The following HNRNPA1L2 variants were observed in gnomAD, a reference collection of about 807,000 sequenced individuals.
HNRNPA1L2 encodes the protein heterogeneous nuclear ribonucleoprotein A1-like 2.
HNRNPA1L2 carries 10 observed loss-of-function variants against 18.2 expected under a neutral mutation model. That is an observed-to-expected ratio of 0.55 (90% CI 0.34 to 0.93). The LOEUF (loss-of-function observed/expected upper bound fraction) is 0.93. HNRNPA1L2 is among the 40% of genes least tolerant of loss of function. The probability of loss-of-function intolerance (pLI) is 0.02; values close to 1 mark genes in which losing one functional copy is unlikely to be tolerated. For missense variants in HNRNPA1L2, 308 were observed against 394.4 expected (o/e 0.78, Z 1.85); for synonymous variants, 124 against 138.6 (o/e 0.89, Z 0.74).
At chr13:52,636,880 G>A in the HNRNPA1L2 span, among the ~76,000 whole-genome samples, 6 of 152,116 alleles carry the variant, frequency 3.9e-5, no homozygotes, top group Non-Finnish European at 5.9e-5. Context: ...CACCCAGGTC[G>A]GAATGCAGTG....
At chr13:52,626,600 A>G in the HNRNPA1L2 span, among the ~76,000 whole-genome samples, 2 of 152,146 alleles carry the variant, frequency 1.3e-5, no homozygotes, top group Non-Finnish European at 2.9e-5. Flanking sequence ...ACCCCTTTAT[A>G]CTGTCACCCA....
chr13:52,630,899 A>AATCATTCAGCTTGCATAT, the HNRNPA1L2 span, among the ~76,000 whole-genome samples: 3 of 152,230 alleles, frequency 2.0e-5, no homozygotes, highest in South Asian at 6.2e-4. Flanking sequence ...AATTTAACTG[A>AATCATTCAGCTTGCATAT]ATCATTCAGC....
the HNRNPA1L2 span, among the ~76,000 whole-genome samples, chr13:52,636,447 A>G: frequency 6.6e-6 from 1 of 152,244 alleles, no homozygotes; most frequent in Non-Finnish European, 1.5e-5. Context: ...TTTCAAAAGT[A>G]AAAAAGTTAT....
At chr13:52,634,886 G>A in the HNRNPA1L2 span, among the ~76,000 whole-genome samples, 5 of 152,130 alleles carry the variant, frequency 3.3e-5, no homozygotes, top group African/African-American at 4.8e-5. Flanking sequence ...ATCAAATGAG[G>A]TCATCTGAAA....
Position 52,642,451 on chromosome 13 carries a change from C to T in HNRNPA1L2, c.-42C>T, listed in dbSNP as rs374940527. 1.1e-5 allele frequency: 17 copies of T among 1,606,918 alleles called. No individual in the cohort carries two copies. The highest frequency in any genetic ancestry group is 2.7e-5 in the African/African-American group (2 of 74,566). ...GTGGACTTTTTCTGCCCGTGGACGC[C>T]GCTGAAGAAGCATCGTTAAAGTCTC... On this transcript the variant is annotated 5_prime_UTR_variant, in exon 1 of 1. Coordinates refer to ENST00000357495, the MANE Select transcript of HNRNPA1L2 (RefSeq NM_001389320.1).
At chr13:52,623,040 CA>C in the HNRNPA1L2 span, among the ~76,000 whole-genome samples, 1 of 152,050 alleles carries the variant, frequency 6.6e-6, no homozygotes, top group Non-Finnish European at 1.5e-5. Context: ...TACATGGTAT[CA>C]AAAATACCTC....
the HNRNPA1L2 span, among the ~76,000 whole-genome samples, chr13:52,635,482 C>T: frequency 6.6e-6 from 1 of 151,948 alleles, no homozygotes; most frequent in Non-Finnish European, 1.5e-5. Flanking sequence ...AGGAACTGCA[C>T]ACATTTAGAA....
chr13:52,638,428 T>C (rs1038727766), upstream of HNRNPA1L2, among the ~76,000 whole-genome samples: 7 of 152,192 alleles, frequency 4.6e-5, no homozygotes, highest in Non-Finnish European at 1.0e-4. Context: ...CCTCCACAGT[T>C]GAGACCATGT....
chr13:52,625,615 C>T, the HNRNPA1L2 span, among the ~76,000 whole-genome samples: 3 of 152,018 alleles, frequency 2.0e-5, no homozygotes, highest in Admixed American at 1.3e-4. Context: ...GAATATTCAC[C>T]TATGTTCTGT....
the HNRNPA1L2 span, among the ~76,000 whole-genome samples, chr13:52,634,553 A>G: frequency 6.6e-6 from 1 of 152,210 alleles, no homozygotes; most frequent in Non-Finnish European, 1.5e-5. Flanking sequence ...AACATATGGA[A>G]ACTTAAATTT....
chr13:52,641,426 C>G (rs1267781061), upstream of HNRNPA1L2: 1 of 152,292 alleles, frequency 6.6e-6, no homozygotes, highest in East Asian at 1.9e-4. Context: ...CTCACTTTTC[C>G]TCTAAACTCT....
At chr13:52,634,064 C>T in the HNRNPA1L2 span, among the ~76,000 whole-genome samples, 1 of 152,110 alleles carries the variant, frequency 6.6e-6, no homozygotes, top group African/African-American at 2.4e-5. Context: ...AAATATACAT[C>T]TATAAAGGAA....
chr13:52,630,312 T>G, the HNRNPA1L2 span, among the ~76,000 whole-genome samples: 1 of 152,206 alleles, frequency 6.6e-6, no homozygotes, highest in Non-Finnish European at 1.5e-5. Context: ...AGTCTCACTC[T>G]GTCGCCCAGG....
At chr13:52,630,492 A>G in the HNRNPA1L2 span, among the ~76,000 whole-genome samples, 2 of 151,964 alleles carry the variant, frequency 1.3e-5, no homozygotes, top group Non-Finnish European at 2.9e-5. Context: ...CCAGGCTGGT[A>G]ACTCCTGACC....
chr13:52,625,367 G>A, the HNRNPA1L2 span, among the ~76,000 whole-genome samples: 6 of 152,050 alleles, frequency 3.9e-5, no homozygotes, highest in South Asian at 2.1e-4. Flanking sequence ...CACCTGCCTC[G>A]GCCTCCTAAA....
chr13:52,639,586 G>A (rs1961576762), upstream of HNRNPA1L2, among the ~76,000 whole-genome samples: 1 of 151,322 alleles, frequency 6.6e-6, no homozygotes, highest in South Asian at 2.1e-4. Flanking sequence ...GAAGTGCTCT[G>A]AGTGTGTCTT....
the HNRNPA1L2 span, among the ~76,000 whole-genome samples, chr13:52,621,526 C>T: frequency 6.6e-5 from 10 of 151,994 alleles, no homozygotes; most frequent in African/African-American, 2.4e-4. Context: ...ATTTATTAAC[C>T]ATGTCAGAGT....
At chr13:52,622,817 A>C in the HNRNPA1L2 span, among the ~76,000 whole-genome samples, 1 of 151,890 alleles carries the variant, frequency 6.6e-6, no homozygotes, top group Non-Finnish European at 1.5e-5. Flanking sequence ...TTCTAAGTGC[A>C]ATCAGTAATA....
chr13:52,620,747 C>A, the HNRNPA1L2 span, among the ~76,000 whole-genome samples: 6 of 152,076 alleles, frequency 3.9e-5, no homozygotes, highest in Admixed American at 1.3e-4. Context: ...CCCATTTCTA[C>A]AAAAAATTAG....
Sources: gnomAD v4.1 joint callset for allele counts (sites outside exome capture counted in the v4.1 genomes callset) on GRCh38, gnomAD v4.1.1 for gene constraint, MANE v1.5 for transcripts, NCBI Gene and HGNC (gene_info 2026-07-23, HGNC 2026-07-21) for gene names.